PHLDB1: variants seen among roughly 807,000 people sequenced by gnomAD.
PHLDB1 encodes the protein pleckstrin homology like domain family B member 1.
A neutral mutation model predicts 139.3 loss-of-function variants in PHLDB1; 65 were observed. That is an observed-to-expected ratio of 0.47 (90% CI 0.38 to 0.57). The LOEUF is 0.57. PHLDB1 is among the 20% of genes least tolerant of loss of function. PHLDB1 has a pLI of 0.00. For synonymous variants in PHLDB1, 679 were observed against 734.5 expected, an observed-to-expected ratio of 0.92 and a Z score of 1.22; for missense variants, 1,624 against 1,839.7, an observed-to-expected ratio of 0.88 and a Z score of 2.14.
intron 17 of PHLDB1, chr11:118,646,327 T>C (rs955022182): frequency 2.0e-5 from 3 of 152,646 alleles, no homozygotes; most frequent in Non-Finnish European, 4.3e-5. Context: ...CTTGGTTTGA[T>C]TACAACTTCA....
At chr11:118,635,298 C>T (rs1305260966) in intron 9 of PHLDB1, 95 bp from the exon 10 acceptor site, 12 of 1,395,112 alleles carry the variant, frequency 8.6e-6, no homozygotes, top group Non-Finnish European at 1.2e-5. Context: ...TCCCCGGGTC[C>T]AGCCCCATAC....
At chr11:118,644,624 C>A in intron 15 of PHLDB1, 1 of 1,283,116 alleles carries the variant, frequency 7.8e-7, no homozygotes, top group Non-Finnish European at 1.0e-6. Flanking sequence ...ACCGTACCCT[C>A]TGCCTGGGGT....
chr11:118,654,061 TAC>T (rs1308550467), intron 20 of PHLDB1: 1 of 152,240 alleles, frequency 6.6e-6, no homozygotes, highest in African/African-American at 2.4e-5. Flanking sequence ...AAGTTGCCTT[TAC>T]CAAGCTGCAG....
chr11:118,626,980 T>C (rs1943994250), intron 5 of PHLDB1: 6 of 338,212 alleles, frequency 1.8e-5, no homozygotes, highest in Non-Finnish European at 2.7e-5. Context: ...AGGAGGGATA[T>C]AGGATATAGA....
intron 4 of PHLDB1, among the ~76,000 whole-genome samples, chr11:118,619,103 G>A (rs552637796): frequency 1.3e-5 from 2 of 152,236 alleles, no homozygotes; most frequent in East Asian, 1.9e-4. Context: ...AGGGAATGAG[G>A]AGGAATCTCA....
At chr11:118,638,869 TC>T (rs1555117480) in intron 10 of PHLDB1, 21 bp from the exon 11 acceptor site, 3 of 1,579,334 alleles carry the variant, frequency 1.9e-6, no homozygotes, top group Admixed American at 3.5e-5. Context: ...CAGGGCCTGA[TC>T]AACCACCCCA....
chr11:118,614,804 C>T lies in PHLDB1; in HGVS notation c.184+122C>T, dbSNP rs1439762647. 12 of 956,966 alleles carry T rather than the reference C, an allele frequency of 1.3e-5. No individual in the cohort carries two copies. In the African/African-American group the frequency reaches 1.8e-4, roughly 14 times the overall value. The allele number at this position is 956,966 out of a possible 1,614,324, so 59.3% of individuals were successfully genotyped here. On this transcript the variant is annotated intron_variant, in intron 3 of 22. Coordinates refer to ENST00000600882, the MANE Select transcript of PHLDB1 (RefSeq NM_001144758.3). ...CTGTCTGCTGGTGCTCGCCTCCCCACACCACCAGCTTGCTTCCCTTGTCTC... is the reference window on the plus strand; with the variant it reads ...CTGTCTGCTGGTGCTCGCCTCCCCATACCACCAGCTTGCTTCCCTTGTCTC...
intron 5 of PHLDB1, among the ~76,000 whole-genome samples, chr11:118,625,864 GTCTTGCAAAGGCTT>G (rs1943761040): frequency 6.6e-6 from 1 of 152,168 alleles, no homozygotes; most frequent in Non-Finnish European, 1.5e-5. Context: ...CCCAAACTCA[GTCTTGCAAAGGCTT>G]TCCCTTCTCT....
chr11:118,638,754 G>A (rs1157003438), intron 10 of PHLDB1, 137 bp from the exon 11 acceptor site: 1 of 650,358 alleles, frequency 1.5e-6, no homozygotes, highest in African/African-American at 1.8e-5. Context: ...TTCTTAGGGT[G>A]AGTTGAGGCC....
At position 118,647,983 on chromosome 11, in the gene PHLDB1, T is replaced by A; in HGVS notation, c.3561T>A (p.Arg1187=). 11 of 1,600,858 alleles carry A rather than the reference T, an allele frequency of 6.9e-6. No individual in the cohort carries two copies. The highest frequency in any genetic ancestry group is 9.4e-6 in the Non-Finnish European group (11 of 1,173,810). ...RQALEEERRR[R]EQVERRLQSE... ...CCCTGGAGGAGGAGCGGCGGAGGCG[T>A]GAGCAGGTAGAACGGAGGCTGCAGA... Residue 1187 remains arginine (R), a synonymous_variant, in exon 18 of 23, where the codon CGT becomes CGA. Coordinates refer to ENST00000600882, the MANE Select transcript of PHLDB1 (RefSeq NM_001144758.3).
At chr11:118,606,965 C>T (rs1204894272), upstream of PHLDB1, among the ~76,000 whole-genome samples, 3 of 152,086 alleles carry the variant, frequency 2.0e-5, no homozygotes, top group African/African-American at 7.2e-5. Flanking sequence ...GACACTTTAA[C>T]GAGTCTTCTT....
chr11:118,655,488 G>A, intron 20 of PHLDB1, 117 bp from the exon 21 acceptor site: 1 of 696,084 alleles, frequency 1.4e-6, no homozygotes, highest in Admixed American at 2.1e-5. Flanking sequence ...GGTCTTGGGA[G>A]ACTAGGATCT....
upstream of PHLDB1, chr11:118,607,564 C>T (rs1289845645): frequency 1.5e-5 from 1 of 65,544 alleles, no homozygotes; most frequent in Non-Finnish European, 3.2e-5. Context: ...GGGAGGGGGG[C>T]GGGACAGGCT....
intron 10 of PHLDB1, among the ~76,000 whole-genome samples, chr11:118,636,274 C>T (rs1471161601): frequency 6.6e-6 from 1 of 152,056 alleles, no homozygotes; most frequent in Non-Finnish European, 1.5e-5. Flanking sequence ...CATGCATGTA[C>T]ATTTTGCTTG....
rs891972547 is a variant in PHLDB1, at chr11:118,645,055, C to T, written c.3122-301C>T. ...CTTAGGCCTTGGTTGTGAGCTGGAG[C>T]CAACTGGCTGTCGTGCTGCCCCAGC... On this transcript the variant is annotated intron_variant, in intron 15 of 22. Coordinates refer to ENST00000600882, the MANE Select transcript of PHLDB1 (RefSeq NM_001144758.3). This position sits in a 1 kb window ranked among gnomAD's most constrained non-coding sequence, Gnocchi z 5.1. The T allele has an allele frequency of 2.4e-5, 9 of 375,854 alleles. No homozygotes were observed. Among genetic ancestry groups the T allele is most frequent in the African/African-American group, 1.7e-4 (8 of 47,874 alleles). The allele number at this position is 375,854 out of a possible 1,614,324, so 23.3% of individuals were successfully genotyped here.
chr11:118,630,732 G>C (rs1158383234), intron 6 of PHLDB1, among the ~76,000 whole-genome samples: 3 of 152,078 alleles, frequency 2.0e-5, no homozygotes, highest in African/African-American at 7.2e-5. Context: ...ATCAGTGCTG[G>C]TGTGTCAGTA....
At chr11:118,630,077 A>C (rs1591592210) in intron 6 of PHLDB1, 1 of 1,283,012 alleles carries the variant, frequency 7.8e-7, no homozygotes, top group South Asian at 1.2e-5. Flanking sequence ...ACAGGAGGGA[A>C]GCTGGGTAAG....
chr11:118,653,596 G>A (rs1227907540), intron 20 of PHLDB1: 3 of 152,170 alleles, frequency 2.0e-5, no homozygotes, highest in Non-Finnish European at 4.4e-5. Flanking sequence ...CATGCCTTTA[G>A]TAGCTATTTA....
In PHLDB1 at chr11:118,656,894, C is replaced by T. The variant is rs1949136575; in HGVS notation, c.*71C>T. 7.1e-7 allele frequency: 1 copy of T among 1,402,342 alleles called. No homozygotes were observed. Among genetic ancestry groups the T allele is most frequent in the Admixed American group, 2.0e-5 (1 of 49,076 alleles). The allele number at this position is 1,402,342 out of a possible 1,614,324, so 86.9% of individuals were successfully genotyped here. A position where few individuals can be genotyped will look rare whatever the true frequency, so the allele number is the denominator to read the frequency against. ...GAAGACTTTAATATTCTGTAAGGAG[C>T]TTGGTCCTGTGAGTTTCTGGGCTCT... On this transcript the variant is annotated 3_prime_UTR_variant, in exon 23 of 23. Coordinates refer to ENST00000600882, the MANE Select transcript of PHLDB1 (RefSeq NM_001144758.3).
Sources: allele counts gnomAD v4.1 joint callset (sites outside exome capture counted in the v4.1 genomes callset), GRCh38; gene constraint gnomAD v4.1.1; non-coding constraint Gnocchi (gnomAD v3.1); transcripts MANE v1.5; gene names NCBI Gene and HGNC (gene_info 2026-07-23, HGNC 2026-07-21).